Variants in TMTC2 observed in about 807,000 individuals in gnomAD.
TMTC2 encodes the protein protein O-mannosyl-transferase TMTC2.
A neutral mutation model predicts 82.4 loss-of-function variants in TMTC2; 43 were observed. The ratio of observed to expected loss-of-function variants is 0.52; its 90% CI spans 0.41 to 0.67. The LOEUF (loss-of-function observed/expected upper bound fraction) is 0.67. Ranked by LOEUF, TMTC2 falls within the 30% of genes least tolerant of loss-of-function variation. TMTC2 has a pLI of 0.00. For synonymous variants in TMTC2, 408 were observed against 381.9 expected (o/e 1.07, Z -0.80); for missense variants, 919 against 1,012.4 (o/e 0.91, Z 1.25).
At chr12:82,865,918 A>G (rs1871825288) in intron 2 of TMTC2, among the ~76,000 whole-genome samples, 1 of 152,246 alleles carries the variant, frequency 6.6e-6, no homozygotes, top group Non-Finnish European at 1.5e-5. Flanking sequence ...ACTACTGGGT[A>G]CATAACGAAA....
At chr12:82,967,583 A>T (rs939302472) in intron 7 of TMTC2, among the ~76,000 whole-genome samples, 4 of 152,050 alleles carry the variant, frequency 2.6e-5, no homozygotes, top group Non-Finnish European at 4.4e-5. Flanking sequence ...ATCATCTGTG[A>T]TTGATCCTTG....
In TMTC2 at chr12:83,119,817, G is replaced by A. The variant is rs138835294; in HGVS notation, c.2332-12393G>A. Among the ~76,000 whole-genome samples the A allele has an allele frequency of 2.2e-4, 33 of 152,206 alleles. 1 individual carries two copies. Among genetic ancestry groups the A allele is most frequent in the African/African-American group, 7.7e-4 (32 of 41,538 alleles). ...TAGTAGTCATTTTATAAATGTGGGA[G>A]CTCCAGTGTAAGTGCATATATGTTT... On this transcript the variant is annotated intron_variant, in intron 11 of 11. Coordinates refer to ENST00000321196, the MANE Select transcript of TMTC2 (RefSeq NM_152588.3).
intron 8 of TMTC2, among the ~76,000 whole-genome samples, chr12:83,029,876 T>G (rs1881354664): frequency 6.6e-6 from 1 of 152,200 alleles, no homozygotes; most frequent in African/African-American, 2.4e-5. Flanking sequence ...CACCCCTGTT[T>G]TTTGCTTATT....
rs1310595846 is a variant in TMTC2, at chr12:82,716,221, T to A, written c.83+28552T>A. Among the ~76,000 whole-genome samples, 3 of 152,342 alleles carry A rather than the reference T, an allele frequency of 2.0e-5. No homozygotes were observed. The East Asian group carries it at 5.8e-4, about 29-fold the overall frequency. On this transcript the variant is annotated intron_variant, in intron 1 of 11. Transcript: ENST00000321196. ...ATACTGTCTTCTAAAGAGCAAGCTTTTTATTTCTAGACATCTAGTCTTATT... is the reference window on the plus strand; with the variant it reads ...ATACTGTCTTCTAAAGAGCAAGCTTATTATTTCTAGACATCTAGTCTTATT...
intron 11 of TMTC2, among the ~76,000 whole-genome samples, chr12:83,094,302 AG>A (rs1014848871): frequency 2.6e-5 from 4 of 152,194 alleles, no homozygotes; most frequent in Non-Finnish European, 5.9e-5. Flanking sequence ...TGTTTAACCA[AG>A]CAATACCTGC....
chr12:82,923,774 T>A (rs929671105), intron 3 of TMTC2, among the ~76,000 whole-genome samples: 3 of 152,190 alleles, frequency 2.0e-5, no homozygotes, highest in African/African-American at 7.2e-5. Context: ...AATTCATAGA[T>A]TAATTTGGGG....
intron 11 of TMTC2, among the ~76,000 whole-genome samples, chr12:83,130,375 T>C (rs1885225353): frequency 6.6e-6 from 1 of 152,184 alleles, no homozygotes; most frequent in African/African-American, 2.4e-5. Context: ...AATGTGGAGC[T>C]TTTCACTGCA....
chr12:82,738,145 A>T (rs1464398672), intron 1 of TMTC2, among the ~76,000 whole-genome samples: 1 of 152,176 alleles, frequency 6.6e-6, no homozygotes, highest in Non-Finnish European at 1.5e-5. Context: ...ATAATTAGGT[A>T]ATTTTTTTAT....
At chr12:82,847,872 C>A in intron 1 of TMTC2, among the ~76,000 whole-genome samples, 1 of 152,026 alleles carries the variant, frequency 6.6e-6, no homozygotes, top group South Asian at 2.1e-4. Flanking sequence ...GTGCAGCAAA[C>A]CAACATGGCA....
rs138576012 is a variant in TMTC2, at chr12:83,118,676, C to T, written c.2332-13534C>T. Among the ~76,000 whole-genome samples, 815 of 152,212 alleles carry T rather than the reference C, an allele frequency of 5.4e-3. 4 individuals are homozygous for T. Among genetic ancestry groups the T allele is most frequent in the Admixed American group, 9.6e-3 (146 of 15,280 alleles). ...TCGTGGTTTTGGTATTAGAGTGATA[C>T]TGGCTTCATAGAATGAATTAAGGAG... On this transcript the variant is annotated intron_variant, in intron 11 of 11. Transcript: ENST00000321196.
At chr12:82,965,777 C>G in intron 6 of TMTC2, 33 bp downstream of exon 6, 1 of 1,611,236 alleles carries the variant, frequency 6.2e-7, no homozygotes, top group Non-Finnish European at 8.5e-7. Context: ...CTTTTCCCTC[C>G]CCCTTGTTCT....
intron 2 of TMTC2, among the ~76,000 whole-genome samples, chr12:82,860,046 T>C (rs1871459251): frequency 6.6e-6 from 1 of 152,144 alleles, no homozygotes; most frequent in African/African-American, 2.4e-5. Flanking sequence ...CGATCTCAGC[T>C]CACTGCAACC....
intron 1 of TMTC2, among the ~76,000 whole-genome samples, chr12:82,688,956 A>G (rs1266686587): frequency 6.6e-6 from 1 of 152,198 alleles, no homozygotes; most frequent in East Asian, 1.9e-4. Context: ...GTGCCAGAAC[A>G]TCCAGCAAAC....
intron 8 of TMTC2, among the ~76,000 whole-genome samples, chr12:83,005,831 A>C (rs148190615): frequency 0.016 from 2,367 of 152,284 alleles, 59 homozygotes; most frequent in African/African-American, 0.053. Flanking sequence ...GCACAGGCAG[A>C]TGTGCAGATC....
chr12:82,960,115 A>G (rs1877846779), intron 4 of TMTC2, among the ~76,000 whole-genome samples: 1 of 152,180 alleles, frequency 6.6e-6, no homozygotes, highest in East Asian at 1.9e-4. Flanking sequence ...AACCACAGTG[A>G]GATACCATCT....
intron 10 of TMTC2, 32 bp from the exon 11 acceptor site, chr12:83,061,736 G>T: frequency 1.3e-6 from 2 of 1,529,894 alleles, no homozygotes; most frequent in Non-Finnish European, 1.8e-6. Context: ...TAAAATATAT[G>T]ATATAGTTTT....
At chr12:82,994,522 G>A (rs901701330) in intron 8 of TMTC2, among the ~76,000 whole-genome samples, 3 of 151,878 alleles carry the variant, frequency 2.0e-5, no homozygotes, top group African/African-American at 7.3e-5. Context: ...ATAGCCAGCT[G>A]GTTCAAGCCC....
At chr12:82,832,390 A>T (rs1869800532) in intron 1 of TMTC2, among the ~76,000 whole-genome samples, 1 of 150,394 alleles carries the variant, frequency 6.6e-6, no homozygotes, top group Non-Finnish European at 1.5e-5. Context: ...TTATGTGTGT[A>T]ATTTCTTAAA....
At position 82,795,610 on chromosome 12, in the gene TMTC2, G is replaced by T. The variant is rs569672145; in HGVS notation, c.84-61400G>T. The stretch of plus-strand genomic sequence containing the variant: ...GCCCCTTAAGAGGTAATTAGGCCAT[G>T]AAAGTTCTTCCCTGGTAAATTGGGA... On this transcript the variant is annotated intron_variant, in intron 1 of 11. Coordinates refer to ENST00000321196, the MANE Select transcript of TMTC2 (RefSeq NM_152588.3). 2.4e-3 allele frequency among the ~76,000 whole-genome samples: 368 copies of T among 152,132 alleles called. 4 individuals carry two copies. The highest frequency in any genetic ancestry group is 8.3e-3 in the African/African-American group (344 of 41,542).
Sources: allele counts gnomAD v4.1 joint callset (sites outside exome capture counted in the v4.1 genomes callset), GRCh38; gene constraint gnomAD v4.1.1; transcripts MANE v1.5; gene names NCBI Gene and HGNC (gene_info 2026-07-23, HGNC 2026-07-21).